Variants in NCOR1 observed in about 807,000 individuals in gnomAD.
The protein encoded by NCOR1 is protein phosphatase 1, regulatory subunit 109.
A neutral mutation model predicts 288.1 loss-of-function variants in NCOR1; 63 were observed. That is an observed-to-expected ratio of 0.22 (90% CI 0.18 to 0.27). The LOEUF (loss-of-function observed/expected upper bound fraction) is 0.27, where lower values mean the gene tolerates loss of function less well. Among genes scored for constraint, NCOR1 ranks in the 10% least tolerant of loss-of-function variants. The pLI is 1.00. For missense variants in NCOR1, 2,397 were observed against 3,019.2 expected (o/e 0.79, Z 4.83); for synonymous variants, 1,007 against 1,065.9 (o/e 0.94, Z 1.08).
At chr17:16,039,015 C>T (rs1231465130) in intron 44 of NCOR1, among the ~76,000 whole-genome samples, 1 of 152,146 alleles carries the variant, frequency 6.6e-6, no homozygotes, top group Non-Finnish European at 1.5e-5. Context: ...GTGATCCGCC[C>T]GCCTCCGCCC....
At chr17:16,087,459 A>G (rs2064428521) in intron 22 of NCOR1, 2 of 550,288 alleles carry the variant, frequency 3.6e-6, no homozygotes, top group Non-Finnish European at 5.5e-6. Context: ...ATTAAAGTCT[A>G]AAACTCCTGG....
intron 21 of NCOR1, among the ~76,000 whole-genome samples, chr17:16,095,068 C>A: frequency 6.6e-6 from 1 of 151,040 alleles, no homozygotes; most frequent in Non-Finnish European, 1.5e-5. Flanking sequence ...GCTGCCCAGT[C>A]TGGAAAGTGA....
chr17:16,061,934 C>T, intron 36 of NCOR1, 40 bp from the exon 37 acceptor site: 1 of 1,571,276 alleles, frequency 6.4e-7, no homozygotes, highest in Non-Finnish European at 8.6e-7. Flanking sequence ...GAAGGGAAGA[C>T]CATTTGCTGG....
intron 45 of NCOR1, among the ~76,000 whole-genome samples, chr17:16,033,971 C>A (rs761655566): frequency 1.4e-4 from 22 of 152,188 alleles, no homozygotes; most frequent in Non-Finnish European, 2.6e-4. Flanking sequence ...GCTGGGATAA[C>A]AGGCATGAGC....
At chr17:16,052,786 C>A (rs1567720274) in intron 40 of NCOR1, among the ~76,000 whole-genome samples, 1 of 152,142 alleles carries the variant, frequency 6.6e-6, no homozygotes, top group South Asian at 2.1e-4. Flanking sequence ...TTGGCAGAGA[C>A]ACAACAATAA....
At position 16,064,114 on chromosome 17, in the gene NCOR1, C is replaced by A; in HGVS notation, c.5175G>T (p.Glu1725Asp). Residue 1725 changes from glutamate (E) to aspartate (D), a missense_variant, in exon 35 of 46, where the codon GAG becomes GAT. By Grantham distance (45) the Glu-to-Asp change is conservative. Coordinates refer to ENST00000268712, the MANE Select transcript of NCOR1 (RefSeq NM_006311.4). ...AGGAAGCTGCAGCAATCCGTTCCCG[C>A]TCCCGCTCCTTCTCCCGCTCCCGTT... ...EREREREKER[E>D]RERIAAASSD... 6.2e-7 allele frequency: 1 copy of A among 1,614,132 alleles called. No homozygotes were observed. Among genetic ancestry groups the A allele is most frequent in the Non-Finnish European group, 8.5e-7 (1 of 1,180,012 alleles).
chr17:16,208,031 CTTTCTTTTTTTTTTTTT>C (rs2091735737), intron 1 of NCOR1, among the ~76,000 whole-genome samples: 2 of 105,806 alleles, frequency 1.9e-5, no homozygotes, highest in South Asian at 6.6e-4. Flanking sequence ...TTCCATATTT[CTTTCTTTTTTTTTTTTT>C]TTTTTTTTTT....
intron 3 of NCOR1, among the ~76,000 whole-genome samples, chr17:16,185,407 G>C (rs1450641404): frequency 5.3e-5 from 8 of 151,910 alleles, no homozygotes; most frequent in Non-Finnish European, 1.2e-4. Flanking sequence ...ATTCTGGCGA[G>C]GTGCAGTGGC....
intron 25 of NCOR1, 51 bp downstream of exon 25, chr17:16,080,357 A>G (rs1399710113): frequency 3.8e-5 from 54 of 1,417,906 alleles, no homozygotes; most frequent in Non-Finnish European, 4.6e-5. Flanking sequence ...TTACTTTAAT[A>G]AATTTATTGG....
chr17:16,095,501 C>A (rs1163686775), intron 21 of NCOR1, among the ~76,000 whole-genome samples: 1 of 140,354 alleles, frequency 7.1e-6, no homozygotes, highest in African/African-American at 2.6e-5. Flanking sequence ...GGGGGTCAGC[C>A]CCCTGCCCGG....
intron 8 of NCOR1, among the ~76,000 whole-genome samples, chr17:16,151,317 T>C (rs767417493): frequency 6.3e-4 from 96 of 152,168 alleles, no homozygotes; most frequent in Non-Finnish European, 2.9e-4. Context: ...CATAAAGGCC[T>C]GGTACTAGGA....
chr17:16,101,264 C>T lies in NCOR1; in HGVS notation c.2676G>A (p.Glu892=). 1 of 1,595,330 alleles carries T rather than the reference C, an allele frequency of 6.3e-7. No individual in the cohort carries two copies. The highest frequency in any genetic ancestry group is 8.5e-7 in the Non-Finnish European group (1 of 1,170,998). Residue 892 remains glutamate (E), a synonymous_variant, in exon 20 of 46, where the codon GAG becomes GAA. Transcript: ENST00000268712. The stretch of plus-strand genomic sequence containing the variant: ...ACGAGCCTCACCTCTGCCTCTCTGG[C>T]TCTCCATCCACATCCTCATCAGCGC... ...TCSADEDVDG[E]PERQRMFPMD...
In NCOR1 at chr17:16,070,233, C is replaced by T. The variant is rs143125039; in HGVS notation, c.4445G>A (p.Arg1482Gln). 4.2e-5 allele frequency: 68 copies of T among 1,613,932 alleles called. No homozygotes were observed. In the African/African-American group the frequency reaches 5.1e-4, roughly 12 times the overall value. ...SPGIYDDTSA[R>Q]RTPVSYQNTM... ...GTTTTGATAACTCACAGGGGTCCTCCGTGCACTGGTGTCATCATAAATCCC... is the reference window on the plus strand; with the variant it reads ...GTTTTGATAACTCACAGGGGTCCTCTGTGCACTGGTGTCATCATAAATCCC... The change falls in exon 31 of 46, where the codon CGG becomes CAG. Residue 1482 changes from arginine to glutamine, a missense_variant. Arg to Gln is a conservative substitution (Grantham distance 43). This residue lies in a region of NCOR1 where 1,872 missense variants were observed against 2,187.8 expected (regional missense o/e 0.86). Transcript: ENST00000268712.
chr17:16,206,018 G>A (rs1304491789), intron 1 of NCOR1, among the ~76,000 whole-genome samples: 1 of 150,768 alleles, frequency 6.6e-6, no homozygotes, highest in Non-Finnish European at 1.5e-5. Flanking sequence ...ATGGATAAAA[G>A]GCCAATCAGA....
chr17:16,086,501 T>A (rs1010997323), intron 22 of NCOR1, 59 bp from the exon 23 acceptor site: 1 of 1,449,342 alleles, frequency 6.9e-7, no homozygotes, highest in Non-Finnish European at 9.5e-7. Flanking sequence ...TACAACATGT[T>A]ACCTCTCTCA....
chr17:16,078,721 G>A (rs765215360), intron 26 of NCOR1, among the ~76,000 whole-genome samples: 6 of 152,028 alleles, frequency 3.9e-5, no homozygotes, highest in Non-Finnish European at 7.4e-5. Context: ...GATTACAGGC[G>A]CACACCACTA....
intron 3 of NCOR1, among the ~76,000 whole-genome samples, chr17:16,177,892 CTTTT>C (rs953893228): frequency 6.6e-6 from 1 of 152,032 alleles, no homozygotes; most frequent in Non-Finnish European, 1.5e-5. Flanking sequence ...TTCGATACTG[CTTTT>C]TTTTAATTTT....
chr17:16,134,572 C>T (rs928629954), intron 14 of NCOR1, among the ~76,000 whole-genome samples: 5 of 152,198 alleles, frequency 3.3e-5, no homozygotes, highest in Non-Finnish European at 5.9e-5. Context: ...TGGATCTTAA[C>T]AAGGATCGGT....
chr17:16,127,247 G>GTA lies in NCOR1; in HGVS notation c.1510-1043_1510-1042dup, dbSNP rs529054011. On this transcript the variant is annotated intron_variant, in intron 14 of 45. Transcript: ENST00000268712. Reference sequence around the variant, plus strand: ...TATATACATGTATGCATATATGTATGTATATATGTGTGTGTATATATGTAT... The same window carrying GTA: ...TATATACATGTATGCATATATGTATGTATATATATGTGTGTGTATATATGTAT... Among the ~76,000 whole-genome samples the GTA allele has an allele frequency of 1.1e-4, 14 of 129,068 alleles. No homozygotes were observed. The East Asian group carries it at 2.7e-3, about 25-fold the overall frequency. 84.7% of individuals were successfully genotyped at this position (129,068 alleles called of 152,430 possible). A position where few individuals can be genotyped will look rare whatever the true frequency, so the allele number is the denominator to read the frequency against.
Sources: gnomAD v4.1 joint callset for allele counts (sites outside exome capture counted in the v4.1 genomes callset) on GRCh38, gnomAD v4.1.1 for gene constraint, gnomAD v4.1.1 regional missense constraint, MANE v1.5 for transcripts, NCBI Gene and HGNC (gene_info 2026-07-23, HGNC 2026-07-21) for gene names.